The following STAB2 variants were observed in gnomAD, a reference collection of about 807,000 sequenced individuals.
STAB2 encodes the protein stabilin 2.
Under a neutral mutation model 338.1 loss-of-function variants are expected in STAB2, and 288 were observed. That is an observed-to-expected ratio of 0.85 (90% CI 0.77 to 0.94). The LOEUF is 0.94. Ranked by LOEUF, STAB2 falls within the 40% of genes least tolerant of loss-of-function variation. The pLI is 0.00. For missense variants in STAB2, 3,141 were observed against 3,210.1 expected (o/e 0.98, Z 0.52); for synonymous variants, 1,202 against 1,193.3 (o/e 1.01, Z -0.15).
intron 3 of STAB2, among the ~76,000 whole-genome samples, chr12:103,608,953 C>T (rs533897538): frequency 1.2e-3 from 188 of 152,326 alleles, no homozygotes; most frequent in African/African-American, 4.3e-3. Context: ...AATCCTTTCC[C>T]CATTTCCTGC....
intron 65 of STAB2, among the ~76,000 whole-genome samples, chr12:103,760,253 G>A (rs1421143012): frequency 6.6e-6 from 1 of 152,122 alleles, no homozygotes; most frequent in East Asian, 1.9e-4. Flanking sequence ...ACAATGGTGT[G>A]TGGGGGGTGG....
At chr12:103,697,559 A>G (rs1291892321) in intron 33 of STAB2, among the ~76,000 whole-genome samples, 2 of 152,242 alleles carry the variant, frequency 1.3e-5, no homozygotes, top group Admixed American at 6.5e-5. Flanking sequence ...AATTCCTTAC[A>G]ATAATTAACA....
At chr12:103,674,295 C>G (rs1206208484) in intron 23 of STAB2, among the ~76,000 whole-genome samples, 1 of 152,174 alleles carries the variant, frequency 6.6e-6, no homozygotes, top group African/African-American at 2.4e-5. Context: ...TGCTTTGAAA[C>G]TTACCAGGTG....
Position 103,740,641 on chromosome 12 carries a change from G to A in STAB2, c.5766G>A (p.Gln1922=), listed in dbSNP as rs781436066. ...CTCTCTTCCCTTAGGGTGTGAAGCA[G>A]AAGTGTCTCTACAACCTGCCCTTCA... The part of the protein sequence containing the change: ...PRWSKPKGVK[Q]KCLYNLPFKR... Residue 1922 remains glutamine, a synonymous_variant, in exon 55 of 69, where the codon CAG becomes CAA. Transcript: ENST00000388887. 3.1e-6 allele frequency: 5 copies of A among 1,612,096 alleles called. No individual in the cohort carries two copies. The South Asian group carries it at 4.4e-5, about 14-fold the overall frequency.
At chr12:103,732,955 C>T in intron 50 of STAB2, 51 bp from the exon 51 acceptor site, 3 of 1,584,782 alleles carry the variant, frequency 1.9e-6, no homozygotes, top group Non-Finnish European at 2.6e-6. Flanking sequence ...CCCCTGCCCA[C>T]ATGTCTGGGC....
At position 103,755,104 on chromosome 12, in the gene STAB2, G is replaced by A. The variant is rs80338503; in HGVS notation, c.6715-198G>A. On this transcript the variant is annotated intron_variant, in intron 61 of 68. Coordinates refer to ENST00000388887, the MANE Select transcript of STAB2 (RefSeq NM_017564.10). ...ACCTGGGCACCTACAAGAAAGAGAG[G>A]ACACTTTTGTTCACCCAGTGGCTCA... The A allele has an allele frequency of 7.7e-3, 4,860 of 632,886 alleles. 198 individuals carry two copies. The African/African-American group carries it at 0.079, about 10-fold the overall frequency. 39.2% of individuals were successfully genotyped at this position (632,886 alleles called of 1,614,324 possible). A position where few individuals can be genotyped will look rare whatever the true frequency, so the allele number is the denominator to read the frequency against.
At chr12:103,645,527 T>A (rs563373824) in intron 9 of STAB2, among the ~76,000 whole-genome samples, 1 of 152,194 alleles carries the variant, frequency 6.6e-6, no homozygotes, top group Admixed American at 6.5e-5. Context: ...CTGTTAACAG[T>A]TGTCTTCAAA....
intron 3 of STAB2, among the ~76,000 whole-genome samples, chr12:103,598,569 C>A (rs924405245): frequency 2.0e-5 from 3 of 152,080 alleles, no homozygotes; most frequent in Admixed American, 6.6e-5. Flanking sequence ...GTCAATTTTA[C>A]CATAGTTTTC....
chr12:103,620,323 TG>T (rs63005261), intron 3 of STAB2, 144 bp from the exon 4 acceptor site: 364,330 of 698,180 alleles, frequency 0.52, 97,072 homozygotes, highest in Non-Finnish European at 0.56. Flanking sequence ...CTGCCTTTTC[TG>T]TAAAACCCTA....
Position 103,594,496 on chromosome 12 carries a change from G to C in STAB2, c.317G>C (p.Gly106Ala). ...CCTCGGTGTTGTCCTGGCCGCTGGG[G>C]CCCAGACTGTATAGGTAAGTGGCAC... ...LQPRCCPGRWGPDCIECPGGA... is the reference protein window; with the variant it reads ...LQPRCCPGRWAPDCIECPGGA... Residue 106 changes from glycine (G) to alanine (A), a missense_variant, in exon 3 of 69, where the codon GGC becomes GCC. Gly to Ala is a moderately conservative substitution (Grantham distance 60). Transcript: ENST00000388887. 6.2e-7 allele frequency: 1 copy of C among 1,613,670 alleles called. No individual in the cohort carries two copies. Among genetic ancestry groups the C allele is most frequent in the Non-Finnish European group, 8.5e-7 (1 of 1,179,648 alleles).
At chr12:103,706,553 C>T (rs574857701) in intron 37 of STAB2, among the ~76,000 whole-genome samples, 74 of 152,190 alleles carry the variant, frequency 4.9e-4, no homozygotes, top group African/African-American at 1.5e-3. Context: ...TCTGACATGC[C>T]TTTTTCCTTT....
intron 3 of STAB2, among the ~76,000 whole-genome samples, chr12:103,604,367 G>A (rs572286096): frequency 1.4e-3 from 208 of 152,092 alleles, no homozygotes; most frequent in African/African-American, 4.8e-3. Flanking sequence ...GGATAATAAT[G>A]CTCCCTATAT....
At chr12:103,641,965 G>A (rs1384025595) in intron 9 of STAB2, among the ~76,000 whole-genome samples, 2 of 152,176 alleles carry the variant, frequency 1.3e-5, no homozygotes, top group African/African-American at 4.8e-5. Flanking sequence ...TCTCAATATG[G>A]CAAGTAGCTT....
chr12:103,611,799 T>G lies in STAB2; in HGVS notation c.332-8669T>G, dbSNP rs895376078. ...CCTAGCCTCGATGGTCTTTACGATTTGGCATGTTTTTGCAGTGGCTGGTAC... is the reference window on the plus strand; with the variant it reads ...CCTAGCCTCGATGGTCTTTACGATTGGGCATGTTTTTGCAGTGGCTGGTAC... On this transcript the variant is annotated intron_variant, in intron 3 of 68. Transcript: ENST00000388887. Among the ~76,000 whole-genome samples the G allele has an allele frequency of 3.3e-4, 51 of 152,354 alleles. No homozygotes were observed. The South Asian group carries it at 3.5e-3, about 11-fold the overall frequency.
At chr12:103,720,713 T>G (rs1206357853) in intron 44 of STAB2, among the ~76,000 whole-genome samples, 1 of 152,224 alleles carries the variant, frequency 6.6e-6, no homozygotes, top group African/African-American at 2.4e-5. Context: ...CAAACTGTTT[T>G]AGTTCATTTG....
Position 103,689,838 on chromosome 12 carries a change from T to C in STAB2, c.3046-8T>C. The C allele has an allele frequency of 6.2e-7, 1 of 1,610,642 alleles. No homozygotes were observed. The highest frequency in any genetic ancestry group is 8.5e-7 in the Non-Finnish European group (1 of 1,179,000). ...AGCAGGTCACTTTATTTTCCTTCTG[T>C]GGTTCAGAATGCTTCTCTACAACCC... On this transcript the variant is annotated splice_region_variant and splice_polypyrimidine_tract_variant and intron_variant, in intron 28 of 68. Coordinates refer to ENST00000388887, the MANE Select transcript of STAB2 (RefSeq NM_017564.10).
chr12:103,614,942 G>T (rs1229114348), intron 3 of STAB2, among the ~76,000 whole-genome samples: 1 of 152,194 alleles, frequency 6.6e-6, no homozygotes, highest in East Asian at 1.9e-4. Context: ...TTAAGTGTCA[G>T]GTTTTGCATA....
At chr12:103,724,839 G>C in intron 44 of STAB2, 136 bp from the exon 45 acceptor site, 1 of 1,478,754 alleles carries the variant, frequency 6.8e-7, no homozygotes, top group Non-Finnish European at 9.1e-7. Flanking sequence ...CTCAGGAAAA[G>C]GATAAACAAT....
At chr12:103,741,757 T>A (rs969535726) in intron 55 of STAB2, among the ~76,000 whole-genome samples, 8 of 152,344 alleles carry the variant, frequency 5.3e-5, no homozygotes, top group African/African-American at 1.9e-4. Context: ...GCCTGGCCTG[T>A]TGACCCCATT....
Sources: gnomAD v4.1 joint callset for allele counts (sites outside exome capture counted in the v4.1 genomes callset) on GRCh38, gnomAD v4.1.1 for gene constraint, MANE v1.5 for transcripts, NCBI Gene and HGNC (gene_info 2026-07-23, HGNC 2026-07-21) for gene names.